ASAP2: variants seen among roughly 807,000 people sequenced by gnomAD.
ASAP2 encodes the protein arf-GAP with SH3 domain, ANK repeat and PH domain-containing protein 2.
In ASAP2, 45 loss-of-function variants were observed where a neutral mutation model predicts 131.4. That is an observed-to-expected ratio of 0.34 (90% confidence interval 0.27 to 0.44). The LOEUF (loss-of-function observed/expected upper bound fraction) is 0.44, where lower values mean the gene tolerates loss of function less well. Ranked by LOEUF, ASAP2 falls within the 20% of genes least tolerant of loss-of-function variation. ASAP2 has a pLI of 1.00. For synonymous variants in ASAP2, 510 were observed against 503.0 expected (o/e 1.01, Z -0.19); for missense variants, 1,011 against 1,297.0 (o/e 0.78, Z 3.39).
At position 9,240,267 on chromosome 2, in the gene ASAP2, T is replaced by A. The variant is rs796627199; in HGVS notation, c.126+33037T>A. ...ATAATTTTTTTTTTTTTTTTTTTTT[T>A]ATTTGAGACAGGGTCTCACTCTGTC... On this transcript the variant is annotated intron_variant, in intron 1 of 27. Coordinates refer to ENST00000281419, the MANE Select transcript of ASAP2 (RefSeq NM_003887.3). 2.3e-4 allele frequency among the ~76,000 whole-genome samples: 30 copies of A among 130,096 alleles called. 1 individual carries two copies. The highest frequency in any genetic ancestry group is 6.9e-4 in the African/African-American group (23 of 33,392). The allele number at this position is 130,096 out of a possible 152,430, so 85.3% of individuals were successfully genotyped here. A position where few individuals can be genotyped will look rare whatever the true frequency, so the allele number is the denominator to read the frequency against.
intron 1 of ASAP2, among the ~76,000 whole-genome samples, chr2:9,223,872 G>A (rs1398497712): frequency 1.3e-5 from 2 of 152,162 alleles, no homozygotes; most frequent in Non-Finnish European, 2.9e-5. Context: ...GTCTCACTAA[G>A]CCACAGCAGA....
At chr2:9,261,746 G>A (rs1665586504) in intron 1 of ASAP2, among the ~76,000 whole-genome samples, 1 of 152,224 alleles carries the variant, frequency 6.6e-6, no homozygotes, top group Non-Finnish European at 1.5e-5. Flanking sequence ...GCCACATGCA[G>A]GGGAGAGGCC....
intron 15 of ASAP2, among the ~76,000 whole-genome samples, chr2:9,362,955 A>G (rs182594352): frequency 6.6e-6 from 1 of 152,290 alleles, no homozygotes; most frequent in East Asian, 1.9e-4. Flanking sequence ...TTTGACCAAC[A>G]TGCCCACCCC....
At chr2:9,338,897 G>C (rs1671400117) in intron 9 of ASAP2, among the ~76,000 whole-genome samples, 1 of 152,306 alleles carries the variant, frequency 6.6e-6, no homozygotes, top group Middle Eastern at 3.4e-3. Flanking sequence ...GAGTTGGCAG[G>C]CCAGGCATGG....
chr2:9,286,321 C>T (rs1667457238), intron 2 of ASAP2, among the ~76,000 whole-genome samples: 1 of 151,960 alleles, frequency 6.6e-6, no homozygotes, highest in Non-Finnish European at 1.5e-5. Flanking sequence ...TTACATGAAC[C>T]TGGGAGGTTG....
Position 9,207,354 on chromosome 2 carries a change from C to G in ASAP2, c.126+124C>G. The G allele has an allele frequency of 7.6e-7, 1 of 1,322,756 alleles. No homozygotes were observed. Among genetic ancestry groups the G allele is most frequent in the Non-Finnish European group, 9.9e-7 (1 of 1,010,940 alleles). The allele number at this position is 1,322,756 out of a possible 1,614,324, so 81.9% of individuals were successfully genotyped here. A position where few individuals can be genotyped will look rare whatever the true frequency, so the allele number is the denominator to read the frequency against. Reference sequence around the variant, plus strand: ...CGAAGCCGGACGCGGCCGGGCCAACCCTGCCCGAGACAGAAGCCCTTTGTT... The same window carrying G: ...CGAAGCCGGACGCGGCCGGGCCAACGCTGCCCGAGACAGAAGCCCTTTGTT... On this transcript the variant is annotated intron_variant, in intron 1 of 27. Transcript: ENST00000281419. This position sits in a 1 kb window ranked among gnomAD's most constrained non-coding sequence, Gnocchi z 4.1.
In ASAP2 at chr2:9,335,130, T is replaced by TA; in HGVS notation, c.801dup (p.Gln268ThrfsTer13). 6.2e-7 allele frequency: 1 copy of TA among 1,614,224 alleles called. No individual in the cohort carries two copies. Among genetic ancestry groups the TA allele is most frequent in the Non-Finnish European group, 8.5e-7 (1 of 1,180,048 alleles). ...CAGGATGAAGAAAGAAGGCAGTTGA[T>TA]ACAGCTTCGAGATATTTTGAAATCC... On this transcript the variant is annotated frameshift_variant, in exon 9 of 28. Coordinates refer to ENST00000281419, the MANE Select transcript of ASAP2 (RefSeq NM_003887.3). LOFTEE classifies it high-confidence loss of function.
rs1670257374 is a variant in ASAP2, at chr2:9,323,150, A to C, written c.500A>C (p.His167Pro). ...ITKIEKEKKEHAKLHGMIRTE... is the reference protein window; with the variant it reads ...ITKIEKEKKEPAKLHGMIRTE... ...AAGATAGAAAAGGAGAAAAAGGAAC[A>C]CGCCAAGCTCCATGGGATGATTCGG... Residue 167 changes from histidine to proline, a missense_variant, in exon 6 of 28, where the codon CAC (histidine) becomes CCC (proline). Transcript: ENST00000281419. 1 of 1,614,114 alleles carries C rather than the reference A, an allele frequency of 6.2e-7. No individual in the cohort carries two copies. The highest frequency in any genetic ancestry group is 1.3e-5 in the African/African-American group (1 of 74,944).
chr2:9,258,332 G>GTTTTT (rs769009726), intron 1 of ASAP2, among the ~76,000 whole-genome samples: 5 of 112,530 alleles, frequency 4.4e-5, no homozygotes, highest in East Asian at 2.3e-4. Context: ...GTAATCAGTA[G>GTTTTT]TTGTTTTTTT....
At chr2:9,235,973 C>T (rs1265397653) in intron 1 of ASAP2, among the ~76,000 whole-genome samples, 2 of 152,088 alleles carry the variant, frequency 1.3e-5, no homozygotes, top group African/African-American at 4.8e-5. Context: ...GACTGGGGTG[C>T]TGGTGGCATC....
At chr2:9,245,039 C>G (rs1664239409) in intron 1 of ASAP2, among the ~76,000 whole-genome samples, 1 of 152,160 alleles carries the variant, frequency 6.6e-6, no homozygotes, top group African/African-American at 2.4e-5. Context: ...ATCATGCAGG[C>G]CTAGGTTTGG....
chr2:9,403,564 G>T lies in ASAP2; in HGVS notation c.*237G>T, dbSNP rs1676934087. On this transcript the variant is annotated 3_prime_UTR_variant, in exon 28 of 28. Coordinates refer to ENST00000281419, the MANE Select transcript of ASAP2 (RefSeq NM_003887.3). ...TAGGAAAAACTGAATTTCCCAACAG[G>T]TGAACTGAAAAGTTATTTTAACTAT... 10 of 506,218 alleles carry T rather than the reference G, an allele frequency of 2.0e-5. No homozygotes were observed. The South Asian group carries it at 2.6e-4, about 13-fold the overall frequency. 31.4% of individuals were successfully genotyped at this position (506,218 alleles called of 1,614,324 possible). A position where few individuals can be genotyped will look rare whatever the true frequency, so the allele number is the denominator to read the frequency against.
chr2:9,281,812 G>C lies in ASAP2; in HGVS notation c.199+2423G>C, dbSNP rs1040391851. On this transcript the variant is annotated intron_variant, in intron 2 of 27. Coordinates refer to ENST00000281419, the MANE Select transcript of ASAP2 (RefSeq NM_003887.3). The surrounding 1 kb of genome is among the most constrained non-coding windows in gnomAD (Gnocchi z 4.0). ...TTCATCTGTCGATGAAACTGTCACT[G>C]CCTCCCCTGATCACCCCACTGTGAG... Among the ~76,000 whole-genome samples, 2 of 152,150 alleles carry C rather than the reference G, an allele frequency of 1.3e-5. No homozygotes were observed. The highest frequency in any genetic ancestry group is 2.9e-5 in the Non-Finnish European group (2 of 68,030).
intron 1 of ASAP2, among the ~76,000 whole-genome samples, chr2:9,237,530 G>A (rs1663638757): frequency 6.6e-6 from 1 of 151,114 alleles, no homozygotes; most frequent in Admixed American, 6.6e-5. Flanking sequence ...TCCCATCTTA[G>A]CCTCCCAAGT....
intron 1 of ASAP2, among the ~76,000 whole-genome samples, chr2:9,263,867 A>T (rs1243575912): frequency 6.6e-6 from 1 of 151,940 alleles, no homozygotes; most frequent in Non-Finnish European, 1.5e-5. Flanking sequence ...TAGGTTAAGT[A>T]TTTTTTTCTC....
intron 5 of ASAP2, among the ~76,000 whole-genome samples, chr2:9,322,838 G>A (rs1670238014): frequency 6.6e-6 from 1 of 152,186 alleles, no homozygotes; most frequent in Non-Finnish European, 1.5e-5. Context: ...GAATGCTGAT[G>A]CCAAAGGAGC....
At chr2:9,293,124 A>T (rs115504666) in intron 2 of ASAP2, among the ~76,000 whole-genome samples, 14 of 152,280 alleles carry the variant, frequency 9.2e-5, no homozygotes, top group Non-Finnish European at 1.6e-4. Flanking sequence ...GTAAACTAAA[A>T]AGCACACAAC....
chr2:9,315,584 G>A (rs1669609217), intron 3 of ASAP2, among the ~76,000 whole-genome samples: 1 of 152,126 alleles, frequency 6.6e-6, no homozygotes, highest in African/African-American at 2.4e-5. Context: ...CTGCCTGCAA[G>A]TAGAGGGAAA....
intron 26 of ASAP2, among the ~76,000 whole-genome samples, 162 bp from the exon 27 acceptor site, chr2:9,401,112 C>G (rs1343076067): frequency 6.6e-6 from 1 of 152,090 alleles, no homozygotes; most frequent in Admixed American, 6.5e-5. Context: ...TTTTCTCTCC[C>G]TGGCTCCTGA....
Sources: gnomAD v4.1 joint callset for allele counts (sites outside exome capture counted in the v4.1 genomes callset) on GRCh38, gnomAD v4.1.1 for gene constraint, Gnocchi (gnomAD v3.1) non-coding constraint, MANE v1.5 for transcripts, NCBI Gene and HGNC (gene_info 2026-07-23, HGNC 2026-07-21) for gene names.